Variants in CFAP47 observed in about 807,000 individuals in gnomAD.
CFAP47 encodes cilia- and flagella-associated protein 47.
Under a neutral mutation model 148.1 loss-of-function variants are expected in CFAP47, and 29 were observed. The ratio of observed to expected loss-of-function variants is 0.20; its 90% CI spans 0.15 to 0.27. CFAP47 has a LOEUF of 0.27. Among genes scored for constraint, CFAP47 ranks in the 10% least tolerant of loss-of-function variants. The probability of loss-of-function intolerance (pLI) is 1.00; values close to 1 mark genes in which losing one functional copy is unlikely to be tolerated. For synonymous variants in CFAP47, 664 were observed against 577.3 expected (o/e 1.15, Z -2.15); for missense variants, 1,872 against 1,697.5 (o/e 1.10, Z -1.81).
At position 36,371,644 on chromosome X, in the gene CFAP47, ATG is replaced by A. The variant is rs1295938330; in HGVS notation, c.9185+4521_9185+4522del. Among the ~76,000 whole-genome samples, 2 of 69,283 alleles carry A rather than the reference ATG, an allele frequency of 2.9e-5. 1 individual carries two copies. Among genetic ancestry groups the A allele is most frequent in the Non-Finnish European group, 5.2e-5 (2 of 38,324 alleles). 60.2% of individuals were successfully genotyped at this position (69,283 alleles called of 115,157 possible). The stretch of plus-strand genomic sequence containing the variant: ...GTAATATATGTGTATATACACACAT[ATG>A]TGTATATATGTGTGTATATACACAC... On this transcript the variant is annotated intron_variant, in intron 62 of 63. Coordinates refer to ENST00000378653, the MANE Select transcript of CFAP47 (RefSeq NM_001304548.2).
chrX:36,149,007 G>T, intron 36 of CFAP47, 101 bp from the exon 37 acceptor site: 1 of 236,446 alleles, frequency 4.2e-6, no homozygotes, highest in Non-Finnish European at 7.5e-6. Flanking sequence ...GTATATTTAT[G>T]ACTAAAATCT....
At chrX:36,340,496 G>A (rs1303703466) in intron 57 of CFAP47, among the ~76,000 whole-genome samples, 2 of 111,713 alleles carry the variant, frequency 1.8e-5, no homozygotes, top group East Asian at 5.6e-4. Context: ...TTCTTCTGAG[G>A]CCTCTTTCCT....
At chrX:36,227,863 T>C (rs1940288646) in intron 45 of CFAP47, among the ~76,000 whole-genome samples, 1 of 112,205 alleles carries the variant, frequency 8.9e-6, no homozygotes, top group Non-Finnish European at 1.9e-5. Context: ...TTATAACTAT[T>C]TTCTCATTTT....
intron 57 of CFAP47, among the ~76,000 whole-genome samples, chrX:36,324,977 T>C (rs1185346869): frequency 3.6e-5 from 4 of 111,674 alleles, no homozygotes; most frequent in African/African-American, 1.3e-4. Context: ...TACAGTTACA[T>C]CTATATCTAG....
At chrX:35,975,423 T>C (rs1936554789) in intron 14 of CFAP47, 60 bp downstream of exon 14, 1 of 777,771 alleles carries the variant, frequency 1.3e-6, no homozygotes. Flanking sequence ...GTAGAATATG[T>C]ATTTATTTTC....
intron 30 of CFAP47, among the ~76,000 whole-genome samples, chrX:36,090,666 A>G (rs1042929785): frequency 1.4e-4 from 16 of 112,004 alleles, no homozygotes; most frequent in African/African-American, 5.2e-4. Context: ...CAGTATGGTT[A>G]ATAAAATTGG....
At chrX:36,058,874 TC>T (rs779541458) in intron 26 of CFAP47, among the ~76,000 whole-genome samples, 52 of 112,134 alleles carry the variant, frequency 4.6e-4, no homozygotes, top group Non-Finnish European at 9.0e-4. Flanking sequence ...CTAGTTGATC[TC>T]TAATAGCTGA....
At chrX:36,163,806 C>T in intron 39 of CFAP47, among the ~76,000 whole-genome samples, 1 of 111,164 alleles carries the variant, frequency 9.0e-6, no homozygotes, top group Non-Finnish European at 1.9e-5. Flanking sequence ...GATGAGGTGT[C>T]ACCATATTGG....
intron 37 of CFAP47, among the ~76,000 whole-genome samples, chrX:36,157,019 C>T (rs187314877): frequency 9.1e-6 from 1 of 110,129 alleles, no homozygotes; most frequent in Non-Finnish European, 1.9e-5. Context: ...CAGCTTCCAT[C>T]GAGATCCAAT....
In CFAP47 at chrX:36,285,689, C is replaced by G; in HGVS notation, c.7649C>G (p.Pro2550Arg). The change falls in exon 51 of 64, where the codon CCA becomes CGA. Residue 2550 changes from proline (P) to arginine (R), a missense_variant. Transcript: ENST00000378653. ...CTTGAGATCCATAGCACTCCTGGACCACCCATAGAGATTATGGAAATGACA... is the reference window on the plus strand; with the variant it reads ...CTTGAGATCCATAGCACTCCTGGACGACCCATAGAGATTATGGAAATGACA... ...YNLEIHSTPG[P>R]PIEIMEMTCI... 8.8e-7 allele frequency: 1 copy of G among 1,141,023 alleles called. No homozygotes were observed. The allele number at this position is 1,141,023 out of a possible 1,213,427, so 94.0% of individuals were successfully genotyped here.
At chrX:36,058,476 A>G (rs767464038) in intron 26 of CFAP47, among the ~76,000 whole-genome samples, 11 of 111,876 alleles carry the variant, frequency 9.8e-5, no homozygotes. Context: ...CAGTAGTTTT[A>G]CCATTCCGAG....
At chrX:36,062,913 A>G (rs917355022) in intron 26 of CFAP47, among the ~76,000 whole-genome samples, 5 of 112,103 alleles carry the variant, frequency 4.5e-5, no homozygotes, top group African/African-American at 1.6e-4. Flanking sequence ...AAATGAAGAC[A>G]TCCGGTGGAC....
At chrX:36,356,011 C>G (rs1284256549) in intron 60 of CFAP47, among the ~76,000 whole-genome samples, 1 of 111,502 alleles carries the variant, frequency 9.0e-6, no homozygotes, top group African/African-American at 3.3e-5. Flanking sequence ...ATTGATTATA[C>G]TTATAACCTA....
At chrX:36,018,468 A>C (rs933595358) in intron 22 of CFAP47, among the ~76,000 whole-genome samples, 1 of 111,802 alleles carries the variant, frequency 8.9e-6, no homozygotes, top group Non-Finnish European at 1.9e-5. Context: ...GTTTGATACT[A>C]TCTGTGGGTC....
Position 36,032,744 on chromosome X carries a change from C to G in CFAP47, c.3651+1397C>G, listed in dbSNP as rs144374603. 9.2e-3 allele frequency among the ~76,000 whole-genome samples: 1,016 copies of G among 110,767 alleles called. 8 individuals carry two copies. The highest frequency in any genetic ancestry group is 0.015 in the Non-Finnish European group (769 of 52,762). On this transcript the variant is annotated intron_variant, in intron 23 of 63. Transcript: ENST00000378653. ...CCCAAAGATGCTTAAGTATTAATCT[C>G]CAAAATTTGTGAATACATGACCTTA... is the stretch of plus-strand genomic sequence containing the variant.
intron 6 of CFAP47, among the ~76,000 whole-genome samples, chrX:35,952,854 C>A (rs1936187705): frequency 8.9e-6 from 1 of 111,876 alleles, no homozygotes; most frequent in African/African-American, 3.2e-5. Context: ...GAGAGTCTAG[C>A]ATAGAATCAT....
At chrX:36,233,753 C>T (rs1165525797) in intron 46 of CFAP47, among the ~76,000 whole-genome samples, 26 of 111,032 alleles carry the variant, frequency 2.3e-4, no homozygotes, top group East Asian at 5.7e-4. Context: ...TGGCTGGTAC[C>T]GGTTGTTCCT....
chrX:36,054,718 T>G (rs1937539979), intron 26 of CFAP47, among the ~76,000 whole-genome samples: 1 of 111,715 alleles, frequency 9.0e-6, no homozygotes, highest in Admixed American at 9.5e-5. Context: ...TGAAAGTTAT[T>G]TAAAGATGAA....
chrX:36,086,336 C>T (rs1938087203), intron 30 of CFAP47, among the ~76,000 whole-genome samples: 1 of 111,782 alleles, frequency 8.9e-6, no homozygotes, highest in Non-Finnish European at 1.9e-5. Context: ...TATTTAGCAT[C>T]GAGTTGAACA....
Sources: allele counts gnomAD v4.1 joint callset (sites outside exome capture counted in the v4.1 genomes callset), GRCh38; gene constraint gnomAD v4.1.1; transcripts MANE v1.5; gene names NCBI Gene and HGNC (gene_info 2026-07-23, HGNC 2026-07-21).